MOB3B: variants seen among roughly 807,000 people sequenced by gnomAD.
MOB3B encodes the protein MOB kinase activator-like 2B.
Under a neutral mutation model 18.7 loss-of-function variants are expected in MOB3B, and 7 were observed. The ratio of observed to expected loss-of-function variants is 0.37; its 90% confidence interval spans 0.21 to 0.70. The LOEUF is 0.70. Among genes scored for constraint, MOB3B ranks in the 30% least tolerant of loss-of-function variants. The probability of loss-of-function intolerance (pLI) is 0.52; values close to 1 mark genes in which losing one functional copy is unlikely to be tolerated. For missense variants in MOB3B, 253 were observed against 281.3 expected (o/e 0.90, Z 0.72); for synonymous variants, 111 against 99.9 (o/e 1.11, Z -0.66).
intron 1 of MOB3B, among the ~76,000 whole-genome samples, chr9:27,459,291 G>T (rs1289807409): frequency 6.6e-6 from 1 of 152,132 alleles, no homozygotes; most frequent in African/African-American, 2.4e-5. Context: ...TGAACTCAGG[G>T]ATCTTGTTAA....
intron 1 of MOB3B, among the ~76,000 whole-genome samples, chr9:27,498,974 T>A (rs1021364380): frequency 6.6e-5 from 10 of 152,204 alleles, no homozygotes; most frequent in Non-Finnish European, 1.3e-4. Flanking sequence ...AACACAAGAT[T>A]TTTTAAGCAC....
chr9:27,512,842 C>A (rs765136771), intron 1 of MOB3B, among the ~76,000 whole-genome samples: 1 of 152,028 alleles, frequency 6.6e-6, no homozygotes, highest in Non-Finnish European at 1.5e-5. Flanking sequence ...TGGTTTAAAT[C>A]AATCATGAAA....
At chr9:27,490,267 T>TG (rs770608562) in intron 1 of MOB3B, among the ~76,000 whole-genome samples, 1 of 152,084 alleles carries the variant, frequency 6.6e-6, no homozygotes, top group Non-Finnish European at 1.5e-5. Flanking sequence ...TTCTAGACCC[T>TG]GGGGAGAAAA....
chr9:27,524,318 T>C (rs1203911855), intron 1 of MOB3B: 1 of 1,601,874 alleles, frequency 6.2e-7, no homozygotes, highest in Non-Finnish European at 8.5e-7. Flanking sequence ...TCTTCTGGAT[T>C]TTTTAGCTTG....
chr9:27,399,816 G>A (rs201163401), intron 2 of MOB3B, among the ~76,000 whole-genome samples: 16 of 152,088 alleles, frequency 1.1e-4, no homozygotes, highest in African/African-American at 3.6e-4. Flanking sequence ...AAATGAGATC[G>A]TATCTTCCTA....
At chr9:27,515,967 C>G (rs1386116449) in intron 1 of MOB3B, among the ~76,000 whole-genome samples, 2 of 152,152 alleles carry the variant, frequency 1.3e-5, no homozygotes, top group African/African-American at 4.8e-5. Flanking sequence ...CTAAGTGTAA[C>G]AAGTAGTGTG....
At chr9:27,400,401 C>T (rs947200832) in intron 2 of MOB3B, among the ~76,000 whole-genome samples, 1 of 152,158 alleles carries the variant, frequency 6.6e-6, no homozygotes, top group Non-Finnish European at 1.5e-5. Context: ...GTTTTATGCC[C>T]GCCTAGCTGT....
At chr9:27,381,338 C>G (rs994791034) in intron 2 of MOB3B, among the ~76,000 whole-genome samples, 1 of 150,794 alleles carries the variant, frequency 6.6e-6, no homozygotes, top group African/African-American at 2.4e-5. Context: ...TGTTGCCTCC[C>G]CAGTCCCTGC....
chr9:27,355,871 G>C (rs959040799), intron 3 of MOB3B, among the ~76,000 whole-genome samples: 1 of 152,088 alleles, frequency 6.6e-6, no homozygotes, highest in Non-Finnish European at 1.5e-5. Context: ...TGTATATATA[G>C]AGTATCAATA....
At chr9:27,415,309 A>G (rs1822128033) in intron 2 of MOB3B, among the ~76,000 whole-genome samples, 1 of 152,214 alleles carries the variant, frequency 6.6e-6, no homozygotes, top group African/African-American at 2.4e-5. Context: ...GAAAAATTAT[A>G]AAATATGATT....
chr9:27,361,713 A>G (rs1821277240), intron 2 of MOB3B, among the ~76,000 whole-genome samples: 1 of 152,258 alleles, frequency 6.6e-6, no homozygotes, highest in South Asian at 2.1e-4. Flanking sequence ...GGGACAATTA[A>G]GTAGCTGCCC....
intron 1 of MOB3B, among the ~76,000 whole-genome samples, chr9:27,466,988 C>T (rs866601060): frequency 5.9e-5 from 9 of 152,158 alleles, no homozygotes; most frequent in Admixed American, 5.2e-4. Context: ...AGAGAACAGA[C>T]AACCATCTAG....
Position 27,494,662 on chromosome 9 carries a change from G to A in MOB3B, c.-199+34893C>T, listed in dbSNP as rs371183150. 1.2e-4 allele frequency among the ~76,000 whole-genome samples: 19 copies of A among 152,128 alleles called. No individual in the cohort carries two copies. In the South Asian group the frequency reaches 1.5e-3, roughly 12 times the overall value. On this transcript the variant is annotated intron_variant, in intron 1 of 3. Transcript: ENST00000262244. ...CCTGAGTAGCTGGGACTACAGGCAC[G>A]CACCACCAAACCTGGCTAATTTTTG... is the stretch of plus-strand genomic sequence containing the variant.
chr9:27,334,972 C>G lies in MOB3B; in HGVS notation c.622-4356G>C, dbSNP rs551275220. Among the ~76,000 whole-genome samples the G allele has an allele frequency of 2.0e-5, 3 of 152,300 alleles. No individual in the cohort carries two copies. In the East Asian group the frequency reaches 5.8e-4, roughly 29 times the overall value. On this transcript the variant is annotated intron_variant, in intron 3 of 3. Transcript: ENST00000262244. ...CTGAGTAGCTGGGACTACAGATGCC[C>G]GCCACCACGCCCGGCTAATTTTTTG...
chr9:27,404,960 T>C (rs543120583), intron 2 of MOB3B, among the ~76,000 whole-genome samples: 1 of 152,246 alleles, frequency 6.6e-6, no homozygotes, highest in African/African-American at 2.4e-5. Flanking sequence ...GCCATTTTAA[T>C]TGGGGTGACA....
chr9:27,390,335 T>C (rs10967921), intron 2 of MOB3B, among the ~76,000 whole-genome samples: 53,841 of 151,724 alleles, frequency 0.35, 10,085 homozygotes, highest in Non-Finnish European at 0.42. Flanking sequence ...CTGCCTCCTC[T>C]GGGGTTACAG....
At chr9:27,357,121 AATATATATATAT>A (rs56064443) in intron 3 of MOB3B, among the ~76,000 whole-genome samples, 5 of 62,918 alleles carry the variant, frequency 7.9e-5, no homozygotes, top group East Asian at 1.5e-3. Flanking sequence ...GAGTAATGCA[AATATATATATAT>A]ATATATATAT....
intron 2 of MOB3B, among the ~76,000 whole-genome samples, chr9:27,415,544 C>T (rs984117227): frequency 1.3e-5 from 2 of 151,208 alleles, no homozygotes; most frequent in African/African-American, 2.4e-5. Flanking sequence ...TGTTCTTTCC[C>T]GTAAAAAAAT....
At chr9:27,529,407 G>T (rs1018374958) in intron 1 of MOB3B, 148 bp downstream of exon 1, 2 of 342,276 alleles carry the variant, frequency 5.8e-6, no homozygotes, top group Non-Finnish European at 8.3e-6. Flanking sequence ...CGTGGCCGGC[G>T]GGCAGAAGAC....
Sources: gnomAD v4.1 joint callset for allele counts (sites outside exome capture counted in the v4.1 genomes callset) on GRCh38, gnomAD v4.1.1 for gene constraint, MANE v1.5 for transcripts, NCBI Gene and HGNC (gene_info 2026-07-23, HGNC 2026-07-21) for gene names.